Variants in MITF observed in about 807,000 individuals in gnomAD.
MITF encodes the protein melanocyte inducing transcription factor.
Under a neutral mutation model 60.5 loss-of-function variants are expected in MITF, and 17 were observed. The observed-to-expected ratio is 0.28, with a 90% confidence interval of 0.19 to 0.42. MITF has a LOEUF of 0.42. MITF is among the 10% of genes least tolerant of loss of function. The pLI is 1.00. For synonymous variants in MITF, 260 were observed against 248.5 expected, an observed-to-expected ratio of 1.05 and a Z score of -0.43; for missense variants, 622 against 683.5, an observed-to-expected ratio of 0.91 and a Z score of 1.00.
intron 2 of MITF, among the ~76,000 whole-genome samples, chr3:69,924,097 C>A (rs977620588): frequency 1.3e-5 from 2 of 152,138 alleles, no homozygotes; most frequent in Admixed American, 6.6e-5. Context: ...GAATTCAGTT[C>A]TGTATCCCCT....
intron 1 of MITF, 31 bp from the exon 2 acceptor site, chr3:69,879,103 A>G: frequency 6.3e-7 from 1 of 1,593,974 alleles, no homozygotes. Flanking sequence ...TTAGGAAACT[A>G]AATGTTGTAT....
chr3:69,771,875 TGA>T lies in MITF; in HGVS notation c.104+32178_104+32179del, dbSNP rs1250404751. Among the ~76,000 whole-genome samples, 5 of 152,136 alleles carry T rather than the reference TGA, an allele frequency of 3.3e-5. No individual in the cohort carries two copies. In the South Asian group the frequency reaches 8.3e-4, roughly 25 times the overall value. Reference sequence around the variant, plus strand: ...GCCATCGCGATGCATGCTTGATGCATGAGAGGGATTGCTAAGATTGGGAATGG... The same window carrying T: ...GCCATCGCGATGCATGCTTGATGCATGAGGGATTGCTAAGATTGGGAATGG... On this transcript the variant is annotated intron_variant, in intron 1 of 9. Transcript: ENST00000352241.
intron 1 of MITF, among the ~76,000 whole-genome samples, chr3:69,849,121 C>T (rs911700209): frequency 3.3e-5 from 5 of 151,100 alleles, no homozygotes; most frequent in Admixed American, 2.6e-4. Flanking sequence ...CCCGCCACTA[C>T]GCCCGGCTAA....
intron 2 of MITF, among the ~76,000 whole-genome samples, chr3:69,898,955 T>A (rs2064937665): frequency 6.6e-6 from 1 of 152,200 alleles, no homozygotes; most frequent in African/African-American, 2.4e-5. Flanking sequence ...CTCCTGGGGC[T>A]TACTGTTAAG....
chr3:69,823,918 TTAGAC>T (rs2063315854), intron 1 of MITF, among the ~76,000 whole-genome samples: 1 of 152,198 alleles, frequency 6.6e-6, no homozygotes, highest in African/African-American at 2.4e-5. Flanking sequence ...TGGCCAGAGC[TTAGAC>T]TAAAGGCCAC....
At chr3:69,788,699 A>G (rs577486820) in intron 1 of MITF, among the ~76,000 whole-genome samples, 2 of 152,284 alleles carry the variant, frequency 1.3e-5, no homozygotes, top group Admixed American at 6.5e-5. Flanking sequence ...TTCAAAACAC[A>G]TTACAAAACT....
At chr3:69,854,811 A>C (rs180741835) in intron 1 of MITF, among the ~76,000 whole-genome samples, 1 of 152,188 alleles carries the variant, frequency 6.6e-6, no homozygotes, top group Non-Finnish European at 1.5e-5. Flanking sequence ...CAAAAACCAA[A>C]AATGTCTCTA....
In MITF at chr3:69,964,942, A is replaced by G. The variant is rs2066646993; in HGVS notation, c.1275A>G (p.Glu425=). The change falls in exon 10 of 10, where the codon GAA becomes GAG. Residue 425 remains glutamate (E), a synonymous_variant. Coordinates refer to ENST00000352241, the MANE Select transcript of MITF (RefSeq NM_001354604.2). Reference sequence around the variant, plus strand: ...TGGTGAATCGGATCATCAAGCAAGAACCCGTTCTTGAGAACTGCAGCCAAG... The same window carrying G: ...TGGTGAATCGGATCATCAAGCAAGAGCCCGTTCTTGAGAACTGCAGCCAAG... ...PDLVNRIIKQ[E]PVLENCSQDL... is the part of the protein sequence containing the mutation. The G allele has an allele frequency of 6.2e-7, 1 of 1,614,006 alleles. No individual in the cohort carries two copies. Among genetic ancestry groups the G allele is most frequent in the South Asian group, 1.1e-5 (1 of 91,064 alleles).
At chr3:69,958,511 T>C (rs1178238780) in intron 8 of MITF, among the ~76,000 whole-genome samples, 1 of 151,846 alleles carries the variant, frequency 6.6e-6, no homozygotes, top group African/African-American at 2.4e-5. Context: ...TTCCACCTGA[T>C]ACTTGTAGAT....
At chr3:69,906,310 T>C (rs1437068024) in intron 2 of MITF, among the ~76,000 whole-genome samples, 2 of 152,172 alleles carry the variant, frequency 1.3e-5, no homozygotes, top group African/African-American at 4.8e-5. Flanking sequence ...GGTCTGTTTT[T>C]CTTCCTTGAC....
At chr3:69,870,332 A>G (rs1371801888) in intron 1 of MITF, among the ~76,000 whole-genome samples, 2 of 149,570 alleles carry the variant, frequency 1.3e-5, no homozygotes, top group East Asian at 3.9e-4. Flanking sequence ...ATATATACAC[A>G]CATACATGTG....
intron 1 of MITF, among the ~76,000 whole-genome samples, chr3:69,745,490 TA>T (rs1449796955): frequency 6.6e-6 from 1 of 152,122 alleles, no homozygotes; most frequent in African/African-American, 2.4e-5. Flanking sequence ...TGTGGACAAA[TA>T]GGGGTGTTTG....
chr3:69,826,508 G>A (rs34579698), intron 1 of MITF, among the ~76,000 whole-genome samples: 76,320 of 152,060 alleles, frequency 0.5, 20,864 homozygotes, highest in Non-Finnish European at 0.63. Flanking sequence ...GGCATTTACA[G>A]TGAGGCTATG....
Position 69,959,342 on chromosome 3 carries a change from A to G in MITF, c.1101A>G (p.Glu367=). ...ACTATATCCGAAAGTTGCAACGAGA[A>G]CAGCAACGCGCAAAAGAACTTGAAA... ...SVDYIRKLQR[E]QQRAKELENR... Residue 367 remains glutamate (E), a synonymous_variant, in exon 9 of 10, where the codon GAA becomes GAG. Coordinates refer to ENST00000352241, the MANE Select transcript of MITF (RefSeq NM_001354604.2). 2 of 1,614,070 alleles carry G rather than the reference A, an allele frequency of 1.2e-6. No homozygotes were observed. Among genetic ancestry groups the G allele is most frequent in the Non-Finnish European group, 1.7e-6 (2 of 1,179,970 alleles).
intron 2 of MITF, among the ~76,000 whole-genome samples, chr3:69,896,415 A>C (rs1575908533): frequency 6.6e-6 from 1 of 152,328 alleles, no homozygotes; most frequent in South Asian, 2.1e-4. Flanking sequence ...TTTTTGAAAA[A>C]GGATCAACAT....
In MITF at chr3:69,763,647, C is replaced by T. The variant is rs537840379; in HGVS notation, c.104+23946C>T. ...CTTTGTAATAATCTCCTTTCTGAGA[C>T]GGTTCAGTGGACTCAATGTTCCGCC... On this transcript the variant is annotated intron_variant, in intron 1 of 9. Transcript: ENST00000352241. 2.8e-5 allele frequency: 35 copies of T among 1,236,602 alleles called. No homozygotes were observed. In the South Asian group the frequency reaches 5.0e-4, roughly 18 times the overall value. 76.6% of individuals were successfully genotyped at this position (1,236,602 alleles called of 1,614,324 possible).
At chr3:69,754,443 G>C (rs1704051844) in intron 1 of MITF, among the ~76,000 whole-genome samples, 1 of 152,038 alleles carries the variant, frequency 6.6e-6, no homozygotes, top group African/African-American at 2.4e-5. Context: ...TTACAGGTGT[G>C]AGCCACTGTG....
chr3:69,824,415 T>C (rs549361562), intron 1 of MITF, among the ~76,000 whole-genome samples: 1 of 152,220 alleles, frequency 6.6e-6, no homozygotes, highest in Non-Finnish European at 1.5e-5. Flanking sequence ...CTATGATGAT[T>C]ATCAATTTAT....
chr3:69,909,120 G>A (rs565184542), intron 2 of MITF, among the ~76,000 whole-genome samples: 33 of 152,018 alleles, frequency 2.2e-4, no homozygotes, highest in African/African-American at 6.0e-4. Flanking sequence ...GGAAGGACCC[G>A]GGGGGTTGGT....
Sources: gnomAD v4.1 joint callset for allele counts (sites outside exome capture counted in the v4.1 genomes callset) on GRCh38, gnomAD v4.1.1 for gene constraint, MANE v1.5 for transcripts, NCBI Gene and HGNC (gene_info 2026-07-23, HGNC 2026-07-21) for gene names.